The following PTPRM variants were observed in gnomAD, a reference collection of about 807,000 sequenced individuals.
The protein encoded by PTPRM is protein tyrosine phosphatase receptor type M.
PTPRM carries 47 observed loss-of-function variants against 186.7 expected under a neutral mutation model. The observed-to-expected ratio is 0.25, with a 90% CI of 0.20 to 0.32. The LOEUF (loss-of-function observed/expected upper bound fraction) is 0.32. PTPRM is among the 10% of genes least tolerant of loss of function. The pLI is 1.00. For synonymous variants in PTPRM, 668 were observed against 674.9 expected, an observed-to-expected ratio of 0.99 and a Z score of 0.16; for missense variants, 1,494 against 1,865.0, an observed-to-expected ratio of 0.80 and a Z score of 3.66.
intron 2 of PTPRM, among the ~76,000 whole-genome samples, chr18:7,783,481 T>C (rs193163396): frequency 1.3e-5 from 2 of 152,304 alleles, no homozygotes; most frequent in African/African-American, 4.8e-5. Context: ...AAACATTTTC[T>C]CTAAAGACCA....
intron 19 of PTPRM, among the ~76,000 whole-genome samples, chr18:8,257,016 G>A (rs2094580904): frequency 6.6e-6 from 1 of 152,190 alleles, no homozygotes; most frequent in African/African-American, 2.4e-5. Context: ...CTTCTCCGCT[G>A]TCCCCTGGGG....
At chr18:8,141,819 T>C (rs1280137346) in intron 13 of PTPRM, among the ~76,000 whole-genome samples, 1 of 152,244 alleles carries the variant, frequency 6.6e-6, no homozygotes, top group Non-Finnish European at 1.5e-5. Flanking sequence ...TTGATTTTAT[T>C]TTAAAAATTT....
intron 1 of PTPRM, among the ~76,000 whole-genome samples, chr18:7,623,326 G>GA (rs1431348561): frequency 6.6e-6 from 1 of 152,062 alleles, no homozygotes; most frequent in Non-Finnish European, 1.5e-5. Context: ...GGAAATACCA[G>GA]AAAGTATTAA....
chr18:7,634,037 A>G (rs2144106832), intron 1 of PTPRM, among the ~76,000 whole-genome samples: 1 of 152,176 alleles, frequency 6.6e-6, no homozygotes, highest in South Asian at 2.1e-4. Flanking sequence ...CCCGCTGGGT[A>G]TGGTGTGATT....
intron 7 of PTPRM, among the ~76,000 whole-genome samples, chr18:8,048,142 G>A (rs2087199141): frequency 6.6e-6 from 1 of 152,182 alleles, no homozygotes; most frequent in Non-Finnish European, 1.5e-5. Flanking sequence ...AAAGTAGTCT[G>A]ACATTGGTGG....
At chr18:7,594,332 T>G (rs950874203) in intron 1 of PTPRM, among the ~76,000 whole-genome samples, 4 of 151,956 alleles carry the variant, frequency 2.6e-5, no homozygotes, top group African/African-American at 9.7e-5. Context: ...ATATAAAAAT[T>G]AGCTGGGCAT....
chr18:8,389,575 C>A (rs1028172568), intron 31 of PTPRM, among the ~76,000 whole-genome samples: 2 of 152,212 alleles, frequency 1.3e-5, no homozygotes, highest in Non-Finnish European at 2.9e-5. Flanking sequence ...AATACTCCCC[C>A]CTCCCTAAAG....
intron 13 of PTPRM, among the ~76,000 whole-genome samples, chr18:8,127,343 T>C (rs1375544585): frequency 1.3e-5 from 2 of 151,354 alleles, no homozygotes; most frequent in Admixed American, 1.3e-4. Flanking sequence ...GGCCATATTT[T>C]ATATATCTTT....
chr18:7,710,681 A>G (rs1181180026), intron 1 of PTPRM, among the ~76,000 whole-genome samples: 1 of 152,238 alleles, frequency 6.6e-6, no homozygotes. Context: ...TGATTTGATA[A>G]ACAAATTCAG....
intron 2 of PTPRM, among the ~76,000 whole-genome samples, chr18:7,849,698 A>G (rs1341300412): frequency 6.6e-6 from 1 of 152,212 alleles, no homozygotes; most frequent in African/African-American, 2.4e-5. Context: ...AAAACTATGC[A>G]GAAATAACTT....
intron 1 of PTPRM, among the ~76,000 whole-genome samples, chr18:7,707,940 C>G (rs536987426): frequency 6.6e-6 from 1 of 152,170 alleles, no homozygotes; most frequent in African/African-American, 2.4e-5. Context: ...CACAGTGATC[C>G]CAAAAGTTGA....
chr18:7,774,751 T>A (rs2042498329), intron 2 of PTPRM, among the ~76,000 whole-genome samples: 1 of 152,182 alleles, frequency 6.6e-6, no homozygotes, highest in African/African-American at 2.4e-5. Flanking sequence ...TGCAAAAATG[T>A]GGGTATTTTT....
intron 14 of PTPRM, among the ~76,000 whole-genome samples, chr18:8,149,767 T>C (rs574008101): frequency 1.3e-5 from 2 of 152,302 alleles, no homozygotes; most frequent in South Asian, 4.1e-4. Flanking sequence ...ATTTGGTATG[T>C]TTTTGCAGTG....
chr18:7,853,390 C>G (rs768433370), intron 2 of PTPRM, among the ~76,000 whole-genome samples: 2 of 152,102 alleles, frequency 1.3e-5, no homozygotes, highest in Non-Finnish European at 2.9e-5. Context: ...TGCTAGGTGT[C>G]CTCCCTTGGG....
chr18:8,194,578 C>T (rs1043261518), intron 14 of PTPRM, among the ~76,000 whole-genome samples: 1 of 152,292 alleles, frequency 6.6e-6, no homozygotes, highest in East Asian at 1.9e-4. Flanking sequence ...GGTAGCTGTG[C>T]GTGCTCATTC....
chr18:7,882,515 A>G (rs1474607372), intron 2 of PTPRM, among the ~76,000 whole-genome samples: 1 of 152,210 alleles, frequency 6.6e-6, no homozygotes, highest in East Asian at 1.9e-4. Context: ...CTAAATCCAC[A>G]AATTTAAAGG....
Position 7,709,597 on chromosome 18 carries a change from A to C in PTPRM, c.74-64552A>C, listed in dbSNP as rs1329905821. On this transcript the variant is annotated intron_variant, in intron 1 of 32. Coordinates refer to ENST00000580170, the MANE Select transcript of PTPRM (RefSeq NM_001105244.2). ...ATAAAATTGAAACCAAAAAAATACAAAAGATAAATGAAACAAAAAGCTGGT... is the reference window on the plus strand; with the variant it reads ...ATAAAATTGAAACCAAAAAAATACACAAGATAAATGAAACAAAAAGCTGGT... Among the ~76,000 whole-genome samples the C allele has an allele frequency of 2.0e-5, 3 of 152,164 alleles. 1 individual carries two copies. Among genetic ancestry groups the C allele is most frequent in the Admixed American group, 2.0e-4 (3 of 15,278 alleles).
intron 9 of PTPRM, among the ~76,000 whole-genome samples, chr18:8,080,211 T>C (rs555470639): frequency 7.2e-5 from 11 of 152,264 alleles, no homozygotes; most frequent in Admixed American, 2.0e-4. Flanking sequence ...AATGTAAACA[T>C]AGTATGCCAA....
At chr18:7,720,803 T>C (rs1365574754) in intron 1 of PTPRM, among the ~76,000 whole-genome samples, 1 of 152,220 alleles carries the variant, frequency 6.6e-6, no homozygotes, top group African/African-American at 2.4e-5. Flanking sequence ...CATGTCAGAA[T>C]TTCCTTCCTT....
Sources: allele counts gnomAD v4.1 joint callset (sites outside exome capture counted in the v4.1 genomes callset), GRCh38; gene constraint gnomAD v4.1.1; transcripts MANE v1.5; gene names NCBI Gene and HGNC (gene_info 2026-07-23, HGNC 2026-07-21).